The following TFPI2 variants were observed in gnomAD, a reference collection of about 807,000 sequenced individuals.
TFPI2 encodes placental protein 5.
Under a neutral mutation model 23.1 loss-of-function variants are expected in TFPI2, and 23 were observed. That is an observed-to-expected ratio of 1.00 (90% CI 0.72 to 1.41). The LOEUF (loss-of-function observed/expected upper bound fraction) is 1.41, where lower values mean the gene tolerates loss of function less well. TFPI2 is among the 40% of genes most tolerant of loss of function. The probability of loss-of-function intolerance (pLI) is 0.00; values close to 1 mark genes in which losing one functional copy is unlikely to be tolerated. For missense variants in TFPI2, 291 were observed against 299.6 expected, an observed-to-expected ratio of 0.97 and a Z score of 0.21; for synonymous variants, 119 against 111.7, an observed-to-expected ratio of 1.07 and a Z score of -0.41.
In TFPI2 at chr7:93,890,290, G is replaced by A. The variant is rs1794105628; in HGVS notation, c.118C>T (p.Leu40=). 3 of 1,612,124 alleles carry A rather than the reference G, an allele frequency of 1.9e-6. No homozygotes were observed. In the African/African-American group the frequency reaches 4.0e-5, roughly 22 times the overall value. The change falls in exon 2 of 5, where the codon CTA becomes TTA. Residue 40 remains leucine (L), a synonymous_variant. Transcript: ENST00000222543. The stretch of plus-strand genomic sequence containing the variant: ...AGGGCCCGGCAGGGTCCGTAGTCTA[G>A]GGGCAGGAGACAGATCTCCGCGTTA... ...GNNAEICLLP[L]DYGPCRALLL... is the part of the protein sequence containing the mutation.
intron 3 of TFPI2, 113 bp downstream of exon 3, chr7:93,888,922 A>G: frequency 9.1e-6 from 9 of 984,848 alleles, no homozygotes; most frequent in Non-Finnish European, 1.2e-5. Context: ...TAACTTGTCA[A>G]GTAATGTGAA....
chr7:93,890,241 C>T lies in TFPI2; in HGVS notation c.167G>A (p.Arg56Lys), dbSNP rs762615257. 4 of 1,614,074 alleles carry T rather than the reference C, an allele frequency of 2.5e-6. No individual in the cohort carries two copies. The South Asian group carries it at 3.3e-5, about 13-fold the overall frequency. ...GAACTGGCGGCAGCTCTGCGTGTAC[C>T]TGTCGTAGTAGTAACGGAGAAGTAG... ...RALLLRYYYD[R>K]YTQSCRQFLY... Residue 56 changes from arginine (R) to lysine (K), a missense_variant, in exon 2 of 5, where the codon AGG becomes AAG. Arg to Lys is a conservative substitution (Grantham distance 26). Transcript: ENST00000222543.
In TFPI2 at chr7:93,886,908, A is replaced by T. The variant is rs776761837; in HGVS notation, c.632-12T>A. ...TTTCTTTTTCAAAGCTAAAATCAAT[A>T]AAACGACAATGAAAATCATACATCT... On this transcript the variant is annotated splice_polypyrimidine_tract_variant and intron_variant, in intron 4 of 4. Coordinates refer to ENST00000222543, the MANE Select transcript of TFPI2 (RefSeq NM_006528.4). 6.5e-7 allele frequency: 1 copy of T among 1,533,202 alleles called. No individual in the cohort carries two copies. The highest frequency in any genetic ancestry group is 8.7e-7 in the Non-Finnish European group (1 of 1,154,704). The allele number at this position is 1,533,202 out of a possible 1,614,324, so 95.0% of individuals were successfully genotyped here.
At chr7:93,886,948 C>A in intron 4 of TFPI2, 52 bp from the exon 5 acceptor site, 1 of 1,245,484 alleles carries the variant, frequency 8.0e-7, no homozygotes, top group Admixed American at 2.6e-5. Flanking sequence ...TCTGTAGGCT[C>A]ACTATAAATC....
At chr7:93,889,887 G>T in intron 2 of TFPI2, 1 of 399,684 alleles carries the variant, frequency 2.5e-6, no homozygotes, top group Non-Finnish European at 4.4e-6. Context: ...CATGGTGAGG[G>T]AACAAATCTT....
Position 93,887,405 on chromosome 7 carries a change from C to G in TFPI2, c.487G>C (p.Asp163His), listed in dbSNP as rs1794016311. ...KIPSFCYSPK[D>H]EGLCSANVTR... ...ACATTGGCAGAGCACAGTCCCTCATCTTTTGGACTGTAGCAAAATGATGGA... is the reference window on the plus strand; with the variant it reads ...ACATTGGCAGAGCACAGTCCCTCATGTTTTGGACTGTAGCAAAATGATGGA... The change falls in exon 4 of 5, where the codon GAT (aspartate) becomes CAT (histidine). Residue 163 changes from aspartate (D) to histidine (H), a missense_variant. Transcript: ENST00000222543. 6.2e-7 allele frequency: 1 copy of G among 1,610,836 alleles called. No homozygotes were observed. The highest frequency in any genetic ancestry group is 1.3e-5 in the African/African-American group (1 of 74,760).
chr7:93,888,589 G>GGAAGGAAGGAAGGAAAGAGAAAGAAAGAA lies in TFPI2; in HGVS notation c.460+445_460+446insTTCTTTCTTTCTCTTTCCTTCCTTCCTTC, dbSNP rs138314368. Among the ~76,000 whole-genome samples, 3 of 103,346 alleles carry GGAAGGAAGGAAGGAAAGAGAAAGAAAGAA rather than the reference G, an allele frequency of 2.9e-5. No individual in the cohort carries two copies. The East Asian group carries it at 9.9e-4, about 34-fold the overall frequency. The allele number at this position is 103,346 out of a possible 152,430, so 67.8% of individuals were successfully genotyped here. ...GGAAGGAAGGAAGGAAGGAAGGAAA[G>GGAAGGAAGGAAGGAAAGAGAAAGAAAGAA]AGAAAGAAAGAAAGAAAGAGAAAAA... On this transcript the variant is annotated intron_variant, in intron 3 of 4. Transcript: ENST00000222543.
In TFPI2 at chr7:93,885,596, T is replaced by C. The variant is rs1428814711; in HGVS notation, c.*1224A>G. On this transcript the variant is annotated 3_prime_UTR_variant, in exon 5 of 5. Coordinates refer to ENST00000222543, the MANE Select transcript of TFPI2 (RefSeq NM_006528.4). The stretch of plus-strand genomic sequence containing the variant: ...TGATGTTTGTGTATATGTGTGTTTA[T>C]TCATACTGTTCTAGGCCCTGTGTTT... 1 of 152,062 alleles carries C rather than the reference T, an allele frequency of 6.6e-6. No individual in the cohort carries two copies. Among genetic ancestry groups the C allele is most frequent in the Non-Finnish European group, 1.5e-5 (1 of 67,916 alleles). 9.4% of individuals were successfully genotyped at this position (152,062 alleles called of 1,614,324 possible). A position where few individuals can be genotyped will look rare whatever the true frequency, so the allele number is the denominator to read the frequency against.
intron 3 of TFPI2, 112 bp downstream of exon 3, chr7:93,888,923 G>A: frequency 3.0e-6 from 3 of 992,300 alleles, no homozygotes; most frequent in Admixed American, 2.8e-5. Flanking sequence ...AACTTGTCAA[G>A]TAATGTGAAA....
rs1794099190 is a variant in TFPI2, at chr7:93,890,174, G to A, written c.234C>T (p.Thr78=). Reference sequence around the variant, plus strand: ...AGCAAGCATCGTCGCAAGCCTCCCAGGTGTAGAAATTGTTGGCGTTGCCCT... The same window carrying A: ...AGCAAGCATCGTCGCAAGCCTCCCAAGTGTAGAAATTGTTGGCGTTGCCCT... ...GCEGNANNFY[T]WEACDDACWR... Residue 78 remains threonine (T), a synonymous_variant, in exon 2 of 5, where the codon ACC becomes ACT. Transcript: ENST00000222543. 30 of 1,613,074 alleles carry A rather than the reference G, an allele frequency of 1.9e-5. No homozygotes were observed. Among genetic ancestry groups the A allele is most frequent in the Non-Finnish European group, 2.4e-5 (28 of 1,179,232 alleles).
At chr7:93,887,109 G>A (rs1340310033) in intron 4 of TFPI2, 152 bp downstream of exon 4, 2 of 852,346 alleles carry the variant, frequency 2.3e-6, no homozygotes, top group East Asian at 5.6e-5. Context: ...AAAGCATTTT[G>A]ACAAAACTGA....
chr7:93,888,643 A>AAGAAAG (rs1260207916), intron 3 of TFPI2, among the ~76,000 whole-genome samples: 39 of 148,066 alleles, frequency 2.6e-4, no homozygotes, highest in African/African-American at 8.1e-4. Flanking sequence ...GAAGGAGAGA[A>AAGAAAG]AGAAAGAGAA....
At position 93,890,328 on chromosome 7, in the gene TFPI2, G is replaced by T; in HGVS notation, c.89-9C>A. The T allele has an allele frequency of 6.3e-7, 1 of 1,597,620 alleles. No individual in the cohort carries two copies. Among genetic ancestry groups the T allele is most frequent in the Non-Finnish European group, 8.6e-7 (1 of 1,168,158 alleles). Reference sequence around the variant, plus strand: ...GATCTCCGCGTTATTTCCTGAAGAAGGGGCAGAAGGAGAGCAAAAGAGAGG... The same window carrying T: ...GATCTCCGCGTTATTTCCTGAAGAATGGGCAGAAGGAGAGCAAAAGAGAGG... On this transcript the variant is annotated splice_polypyrimidine_tract_variant and intron_variant, in intron 1 of 4. Coordinates refer to ENST00000222543, the MANE Select transcript of TFPI2 (RefSeq NM_006528.4).
At chr7:93,889,358 C>T in intron 2 of TFPI2, 135 bp from the exon 3 acceptor site, 1 of 743,096 alleles carries the variant, frequency 1.3e-6, no homozygotes, top group Non-Finnish European at 2.1e-6. Context: ...CCAGAATACT[C>T]CCATGAATCC....
chr7:93,889,187 T>C lies in TFPI2; in HGVS notation c.308A>G (p.Asp103Gly). The C allele has an allele frequency of 6.3e-7, 1 of 1,599,470 alleles. No homozygotes were observed. The highest frequency in any genetic ancestry group is 8.5e-7 in the Non-Finnish European group (1 of 1,173,748). Residue 103 changes from aspartate (D) to glycine (G), a missense_variant, in exon 3 of 5, where the codon GAC becomes GGC. Physicochemically the swap from Asp to Gly is moderately conservative, Grantham distance 94 (BLOSUM62 -1). Coordinates refer to ENST00000222543, the MANE Select transcript of TFPI2 (RefSeq NM_006528.4). Reference protein sequence around the residue: ...PKVCRLQVSVDDQCEGSTEKY... With the variant: ...PKVCRLQVSVGDQCEGSTEKY... Reference sequence around the variant, plus strand: ...TTCTGTGGACCCCTCACACTGGTCGTCCACACTCACTTGCAGCCGGCAAAC... The same window carrying C: ...TTCTGTGGACCCCTCACACTGGTCGCCCACACTCACTTGCAGCCGGCAAAC...
intron 3 of TFPI2, 126 bp from the exon 4 acceptor site, chr7:93,887,557 A>G: frequency 1.5e-6 from 1 of 685,632 alleles, no homozygotes; most frequent in Non-Finnish European, 2.3e-6. Context: ...AAAATATCAT[A>G]CTAAACCTTT....
Position 93,885,674 on chromosome 7 carries a change from C to T in TFPI2, c.*1146G>A, listed in dbSNP as rs1009517848. ...TGCATATATAGATATTTTGCTAACTCCTCATCCATAAAATCTTCAACCAGT... is the reference window on the plus strand; with the variant it reads ...TGCATATATAGATATTTTGCTAACTTCTCATCCATAAAATCTTCAACCAGT... On this transcript the variant is annotated 3_prime_UTR_variant, in exon 5 of 5. Coordinates refer to ENST00000222543, the MANE Select transcript of TFPI2 (RefSeq NM_006528.4). 6.6e-6 allele frequency: 1 copy of T among 151,960 alleles called. No individual in the cohort carries two copies. The highest frequency in any genetic ancestry group is 1.5e-5 in the Non-Finnish European group (1 of 67,908). The allele number at this position is 151,960 out of a possible 1,614,324, so 9.4% of individuals were successfully genotyped here.
intron 2 of TFPI2, 54 bp downstream of exon 2, chr7:93,890,082 TA>T (rs1794092789): frequency 2.7e-6 from 4 of 1,502,056 alleles, no homozygotes; most frequent in Non-Finnish European, 3.6e-6. Flanking sequence ...GCGAAGCTGC[TA>T]CCAGCCGCCG....
rs776892109 is a variant in TFPI2 at position 93,889,008 on chromosome 7, T to C, written c.460+27A>G. 8.3e-6 allele frequency: 13 copies of C among 1,566,978 alleles called. No individual in the cohort carries two copies. In the Admixed American group the frequency reaches 1.3e-4, roughly 16 times the overall value. On this transcript the variant is annotated intron_variant, in intron 3 of 4. Coordinates refer to ENST00000222543, the MANE Select transcript of TFPI2 (RefSeq NM_006528.4). The stretch of plus-strand genomic sequence containing the variant: ...CAAATGTCTTTTCAAAAAAGTGAAA[T>C]AGAAATACCATAAAAATCGTATTTA...
Sources: allele counts gnomAD v4.1 joint callset (sites outside exome capture counted in the v4.1 genomes callset), GRCh38; gene constraint gnomAD v4.1.1; transcripts MANE v1.5; gene names NCBI Gene and HGNC (gene_info 2026-07-23, HGNC 2026-07-21).